Variants in C6 observed in about 807,000 individuals in gnomAD.
C6 encodes the protein complement component C6.
Under a neutral mutation model 112.9 loss-of-function variants are expected in C6, and 101 were observed. That is an observed-to-expected ratio of 0.89 (90% CI 0.76 to 1.06). C6 has a LOEUF of 1.06. C6 is among the 50% of genes least tolerant of loss of function. C6 has a pLI of 0.00. For missense variants in C6, 1,202 were observed against 1,104.6 expected, an observed-to-expected ratio of 1.09 and a Z score of -1.25; for synonymous variants, 431 against 384.1, an observed-to-expected ratio of 1.12 and a Z score of -1.43.
intron 7 of C6, among the ~76,000 whole-genome samples, chr5:41,178,451 T>C (rs1346303824): frequency 3.0e-5 from 4 of 133,212 alleles, no homozygotes; most frequent in African/African-American, 1.1e-4. Flanking sequence ...TATTTTCTTT[T>C]TTCTTTTTCT....
In C6 at chr5:41,166,798, ATTTCAATTTTGAAATT is replaced by A. The variant is rs145776262; in HGVS notation, c.1292-4955_1292-4940del. On this transcript the variant is annotated intron_variant, in intron 9 of 17. Coordinates refer to ENST00000337836, the MANE Select transcript of C6 (RefSeq NM_000065.5). ...AGACTTCTTGGACTGTCTGCTAAAAATTTCAATTTTGAAATTTTTCAATTTTGAAATTACAATTTCA... is the reference window on the plus strand; with the variant it reads ...AGACTTCTTGGACTGTCTGCTAAAAATTTCAATTTTGAAATTACAATTTCA... 6.2e-3 allele frequency among the ~76,000 whole-genome samples: 942 copies of A among 152,256 alleles called. 6 individuals carry two copies. Among genetic ancestry groups the A allele is most frequent in the African/African-American group, 0.022 (898 of 41,556 alleles).
rs200930599 is a variant in C6, at chr5:41,186,218, A to C, written c.588-10T>G. 7.4e-6 allele frequency: 12 copies of C among 1,613,562 alleles called. No homozygotes were observed. The highest frequency in any genetic ancestry group is 3.3e-4 in the Middle Eastern group (2 of 6,020). ...TGCCAGAAAATGAAACCTAGAAACA[A>C]AGTAATTTTCAGGAATTCAACAGAT... On this transcript the variant is annotated splice_polypyrimidine_tract_variant and intron_variant, in intron 5 of 17. Coordinates refer to ENST00000337836, the MANE Select transcript of C6 (RefSeq NM_000065.5).
At chr5:41,196,200 T>C (rs1374428332) in intron 4 of C6, among the ~76,000 whole-genome samples, 1 of 151,868 alleles carries the variant, frequency 6.6e-6, no homozygotes, top group East Asian at 1.9e-4. Context: ...CCCATTACAG[T>C]GAGCCGCTAT....
chr5:41,191,155 C>A (rs1318199665), intron 5 of C6, among the ~76,000 whole-genome samples: 3 of 150,352 alleles, frequency 2.0e-5, no homozygotes, highest in African/African-American at 7.4e-5. Context: ...CAACCTCCAC[C>A]TCCCGGGTTC....
At chr5:41,261,196 T>C (rs779675090) in exon 1 of C6, 31 of 985,658 alleles carry the variant, frequency 3.1e-5, no homozygotes, top group Non-Finnish European at 3.5e-5. Context: ...AAACTTACTA[T>C]GCATCTATGA....
Position 41,157,757 on chromosome 5 carries a change from A to G in C6, c.1968+917T>C, listed in dbSNP as rs538623712. On this transcript the variant is annotated intron_variant, in intron 13 of 17. Transcript: ENST00000337836. ...TCAGAAACTCGAGGAGTGAGACCCA[A>G]TGATCTGTGTTTTACCAGGTCCTTT... Among the ~76,000 whole-genome samples, 51 of 152,304 alleles carry G rather than the reference A, an allele frequency of 3.3e-4. 1 individual carries two copies. The highest frequency in any genetic ancestry group is 2.9e-3 in the Admixed American group (45 of 15,280).
At chr5:41,172,575 C>T in intron 8 of C6, 3 of 582,442 alleles carry the variant, frequency 5.2e-6, no homozygotes, top group Non-Finnish European at 9.3e-6. Context: ...CCCATCATCT[C>T]CCCTTTCAGC....
At chr5:41,259,947 C>G (rs1398123343) in intron 1 of C6, among the ~76,000 whole-genome samples, 2 of 152,194 alleles carry the variant, frequency 1.3e-5, no homozygotes, top group African/African-American at 4.8e-5. Flanking sequence ...AAAGCCTGGG[C>G]TGTCCCCACA....
intron 1 of C6, among the ~76,000 whole-genome samples, chr5:41,254,964 A>G (rs1741593278): frequency 6.6e-6 from 1 of 152,244 alleles, no homozygotes; most frequent in Non-Finnish European, 1.5e-5. Context: ...GTGAAGACCC[A>G]GAGTATAATG....
rs777437294 is a variant in C6, at chr5:41,153,793, A to G, written c.2290+17T>C. On this transcript the variant is annotated intron_variant, in intron 15 of 17. Transcript: ENST00000337836. ...GCACCACCTTATCAGACCCCAGAAC[A>G]CTGAGCTGCTACTCACCTTTTTCAC... 8.7e-6 allele frequency: 14 copies of G among 1,600,384 alleles called. No homozygotes were observed. The highest frequency in any genetic ancestry group is 1.2e-5 in the Non-Finnish European group (14 of 1,169,100).
chr5:41,231,949 T>C (rs953056481), intron 1 of C6, among the ~76,000 whole-genome samples: 2 of 152,062 alleles, frequency 1.3e-5, no homozygotes, highest in Admixed American at 6.6e-5. Flanking sequence ...ACTCAGTGAT[T>C]GGGATAATTT....
chr5:41,163,516 TTGGCCAGGA>T (rs1370771021), intron 9 of C6, among the ~76,000 whole-genome samples: 31 of 152,188 alleles, frequency 2.0e-4, no homozygotes. Context: ...TTTCACCACG[TTGGCCAGGA>T]TGGTCTTGGT....
intron 13 of C6, 86 bp from the exon 14 acceptor site, chr5:41,155,190 T>C (rs539575790): frequency 1.5e-6 from 2 of 1,297,758 alleles, no homozygotes; most frequent in East Asian, 2.3e-5. Context: ...CTTTCTATCC[T>C]TCACTTCTGG....
At chr5:41,169,450 A>C (rs185934913) in intron 9 of C6, among the ~76,000 whole-genome samples, 1 of 152,218 alleles carries the variant, frequency 6.6e-6, no homozygotes, top group East Asian at 1.9e-4. Context: ...GTTACATTAC[A>C]CTGGCAATTT....
intron 9 of C6, among the ~76,000 whole-genome samples, chr5:41,162,788 G>C (rs1043478888): frequency 5.9e-5 from 9 of 152,294 alleles, no homozygotes; most frequent in African/African-American, 1.9e-4. Flanking sequence ...GAAGAAAGTA[G>C]TATGGCTGCT....
At chr5:41,149,218 G>A (rs1227604730) in intron 17 of C6, 23 bp downstream of exon 17, 3 of 1,613,562 alleles carry the variant, frequency 1.9e-6, no homozygotes, top group African/African-American at 1.3e-5. Context: ...AGAGCATTTA[G>A]TATGGTCACC....
chr5:41,231,645 G>C (rs1463053506), intron 1 of C6, among the ~76,000 whole-genome samples: 1 of 151,664 alleles, frequency 6.6e-6, no homozygotes, highest in Non-Finnish European at 1.5e-5. Flanking sequence ...CTGATCCTCT[G>C]GTAAAATTCT....
At chr5:41,214,301 A>G (rs1416406270), upstream of C6, among the ~76,000 whole-genome samples, 1 of 152,160 alleles carries the variant, frequency 6.6e-6, no homozygotes, top group Non-Finnish European at 1.5e-5. Flanking sequence ...AGTAGAAAAC[A>G]ACTAAAACAA....
At chr5:41,179,773 C>T (rs1749172492) in intron 7 of C6, among the ~76,000 whole-genome samples, 1 of 150,646 alleles carries the variant, frequency 6.6e-6, no homozygotes, top group Non-Finnish European at 1.5e-5. Flanking sequence ...GTCACCAGAA[C>T]TGTGTTCTTT....
Sources: allele counts gnomAD v4.1 joint callset (sites outside exome capture counted in the v4.1 genomes callset), GRCh38; gene constraint gnomAD v4.1.1; transcripts MANE v1.5; gene names NCBI Gene and HGNC (gene_info 2026-07-23, HGNC 2026-07-21).